The following NEK5 variants were observed in gnomAD, a reference collection of about 807,000 sequenced individuals.
NEK5 encodes the protein NIMA related kinase 5.
Under a neutral mutation model 109.2 loss-of-function variants are expected in NEK5, and 88 were observed. The observed-to-expected ratio is 0.81, with a 90% CI of 0.68 to 0.96. The LOEUF is 0.96. Among genes scored for constraint, NEK5 ranks in the 40% least tolerant of loss-of-function variants. The pLI is 0.00. For missense variants in NEK5, 834 were observed against 920.7 expected, an observed-to-expected ratio of 0.91 and a Z score of 1.22; for synonymous variants, 283 against 299.9, an observed-to-expected ratio of 0.94 and a Z score of 0.58.
chr13:52,084,754 A>AGT (rs1352619697), intron 16 of NEK5, among the ~76,000 whole-genome samples: 34 of 51,550 alleles, frequency 6.6e-4, no homozygotes, highest in African/African-American at 1.1e-3. Flanking sequence ...AGAGAGAGAG[A>AGT]GAGAGAGAGT....
chr13:52,068,819 A>T (rs1223345629), intron 20 of NEK5, among the ~76,000 whole-genome samples: 1 of 152,122 alleles, frequency 6.6e-6, no homozygotes. Flanking sequence ...AAAATATTTT[A>T]AAAATCAGCT....
Position 52,065,616 on chromosome 13 carries a change from G to A in NEK5, c.1850-7C>T, listed in dbSNP as rs1478592544. 4 of 1,605,036 alleles carry A rather than the reference G, an allele frequency of 2.5e-6. No individual in the cohort carries two copies. Among genetic ancestry groups the A allele is most frequent in the African/African-American group, 2.7e-5 (2 of 74,798 alleles). Reference sequence around the variant, plus strand: ...ACAGTCTGCGTGGAAAACCCTGGGTGTAAGAAAACAACTCATTAATTCGAA... The same window carrying A: ...ACAGTCTGCGTGGAAAACCCTGGGTATAAGAAAACAACTCATTAATTCGAA... On this transcript the variant is annotated splice_polypyrimidine_tract_variant and splice_region_variant and intron_variant, in intron 20 of 23. Coordinates refer to ENST00000684899, the MANE Select transcript of NEK5 (RefSeq NM_001365552.1).
intron 21 of NEK5, among the ~76,000 whole-genome samples, chr13:52,062,359 T>C (rs1954620420): frequency 6.6e-6 from 1 of 152,094 alleles, no homozygotes; most frequent in Non-Finnish European, 1.5e-5. Flanking sequence ...GTAATAAAAA[T>C]CTTTACCACC....
rs1955692304 is a variant in NEK5, at chr13:52,108,312, A to G, written c.554+6T>C. On this transcript the variant is annotated splice_donor_region_variant and intron_variant, in intron 8 of 23. Coordinates refer to ENST00000684899, the MANE Select transcript of NEK5 (RefSeq NM_001365552.1). ...GACACTTTCAAACTAAGAGTCAGCA[A>G]CTTACGTTTTATTGTTGTAGGGTTT... The G allele has an allele frequency of 6.3e-7, 1 of 1,574,886 alleles. No individual in the cohort carries two copies. Among genetic ancestry groups the G allele is most frequent in the Non-Finnish European group, 8.7e-7 (1 of 1,147,704 alleles).
chr13:52,067,632 A>C lies in NEK5; in HGVS notation c.1850-2023T>G, dbSNP rs144125104. On this transcript the variant is annotated intron_variant, in intron 20 of 23. Coordinates refer to ENST00000684899, the MANE Select transcript of NEK5 (RefSeq NM_001365552.1). Reference sequence around the variant, plus strand: ...TCTGTGAACCATCACTCCAACACTCAGCTGGTTGTGGGCCAAGGCTCCAAC... The same window carrying C: ...TCTGTGAACCATCACTCCAACACTCCGCTGGTTGTGGGCCAAGGCTCCAAC... Among the ~76,000 whole-genome samples the C allele has an allele frequency of 3.8e-3, 570 of 150,370 alleles. 2 individuals are homozygous for C. The highest frequency in any genetic ancestry group is 6.2e-3 in the Non-Finnish European group (421 of 67,852).
chr13:52,112,255 T>A lies in NEK5; in HGVS notation c.312+13A>T. ...ACATACATAAAATTAAAAAGCAAAT[T>A]AGAAGTTTTTACCTGATCTTCACTA... On this transcript the variant is annotated intron_variant, in intron 5 of 23. Transcript: ENST00000684899. 6.6e-7 allele frequency: 1 copy of A among 1,509,526 alleles called. No individual in the cohort carries two copies. Among genetic ancestry groups the A allele is most frequent in the South Asian group, 1.1e-5 (1 of 87,892 alleles). 93.5% of individuals were successfully genotyped at this position (1,509,526 alleles called of 1,614,324 possible).
At chr13:52,056,249 A>C (rs545946709) in intron 22 of NEK5, among the ~76,000 whole-genome samples, 1 of 151,498 alleles carries the variant, frequency 6.6e-6, no homozygotes, top group Non-Finnish European at 1.5e-5. Flanking sequence ...AGAGCTAACT[A>C]TCCTAAATAT....
intron 23 of NEK5, among the ~76,000 whole-genome samples, chr13:52,047,214 A>T (rs1402526219): frequency 6.6e-6 from 1 of 151,926 alleles, no homozygotes; most frequent in East Asian, 1.9e-4. Flanking sequence ...CTTTGACCCA[A>T]TACTTTTTGT....
intron 7 of NEK5, among the ~76,000 whole-genome samples, chr13:52,109,986 T>A (rs924902923): frequency 6.6e-6 from 1 of 152,224 alleles, no homozygotes; most frequent in South Asian, 2.1e-4. Context: ...TGGTCACTCG[T>A]ATTTGGCTCA....
intron 20 of NEK5, among the ~76,000 whole-genome samples, chr13:52,067,952 A>C (rs926609054): frequency 2.6e-5 from 4 of 152,062 alleles, no homozygotes; most frequent in Non-Finnish European, 5.9e-5. Flanking sequence ...TCAGCCTCCC[A>C]AAGTGCTGGG....
intron 12 of NEK5, 67 bp downstream of exon 12, chr13:52,099,676 A>T: frequency 6.5e-7 from 1 of 1,544,402 alleles, no homozygotes; most frequent in Non-Finnish European, 8.8e-7. Context: ...CTCAAAACAA[A>T]CAAACAAACA....
intron 3 of NEK5, among the ~76,000 whole-genome samples, chr13:52,123,087 C>A (rs1956001428): frequency 6.6e-6 from 1 of 152,008 alleles, no homozygotes. Context: ...AGAAAACAAG[C>A]AATTTAGTTC....
intron 12 of NEK5, among the ~76,000 whole-genome samples, chr13:52,095,608 C>T (rs1490266727): frequency 6.6e-6 from 1 of 152,208 alleles, no homozygotes; most frequent in Non-Finnish European, 1.5e-5. Flanking sequence ...AGCCCTTAGG[C>T]TGGGCACAGT....
At chr13:52,114,368 T>G (rs1955810227) in intron 4 of NEK5, among the ~76,000 whole-genome samples, 1 of 152,262 alleles carries the variant, frequency 6.6e-6, no homozygotes, top group African/African-American at 2.4e-5. Context: ...TCTTTTGCTA[T>G]CCTACTCTTT....
chr13:52,123,318 T>C (rs570848768), intron 3 of NEK5, among the ~76,000 whole-genome samples: 1 of 152,296 alleles, frequency 6.6e-6, no homozygotes, highest in South Asian at 2.1e-4. Flanking sequence ...TATGGCATAG[T>C]GACAAGAGTA....
chr13:52,053,693 G>C (rs1954527866), intron 22 of NEK5, among the ~76,000 whole-genome samples: 1 of 152,058 alleles, frequency 6.6e-6, no homozygotes. Flanking sequence ...TCACCAGATG[G>C]GGCAATAACT....
Position 52,093,127 on chromosome 13 carries a change from G to A in NEK5, c.1135C>T (p.Pro379Ser), listed in dbSNP as rs1955326785. The change falls in exon 13 of 24, where the codon CCT (proline) becomes TCT (serine). Residue 379 changes from proline (P) to serine (S), a missense_variant. Pro to Ser is a moderately conservative substitution (Grantham distance 74, BLOSUM62 -1). This residue lies in a region of NEK5 where 777 missense variants were observed against 824.7 expected (regional missense o/e 0.94). Transcript: ENST00000684899. ...ACTCCAGTATTTTCTTGAGGAATAG[G>A]GTGATAACTTGGTTTGTGGGCTCTC... ...RRRAHKPSYHPIPQENTGVED... is the reference protein window; with the variant it reads ...RRRAHKPSYHSIPQENTGVED... 1.2e-6 allele frequency: 2 copies of A among 1,613,312 alleles called. No individual in the cohort carries two copies. The highest frequency in any genetic ancestry group is 2.7e-5 in the African/African-American group (2 of 74,876).
At chr13:52,065,684 A>T (rs1283427048) in intron 20 of NEK5, 75 bp from the exon 21 acceptor site, 3 of 1,032,038 alleles carry the variant, frequency 2.9e-6, no homozygotes, top group Non-Finnish European at 4.4e-6. Flanking sequence ...CTTCTTAGGA[A>T]CTCAGAGGCA....
At chr13:52,085,088 T>C (rs1291750897) in intron 16 of NEK5, among the ~76,000 whole-genome samples, 1 of 152,184 alleles carries the variant, frequency 6.6e-6, no homozygotes, top group Non-Finnish European at 1.5e-5. Flanking sequence ...CCTTGAATTG[T>C]AATAATCCTC....
Sources: allele counts gnomAD v4.1 joint callset (sites outside exome capture counted in the v4.1 genomes callset), GRCh38; gene constraint gnomAD v4.1.1; regional missense constraint gnomAD v4.1.1; transcripts MANE v1.5; gene names NCBI Gene and HGNC (gene_info 2026-07-23, HGNC 2026-07-21).